The following CROT variants were observed in gnomAD, a reference collection of about 807,000 sequenced individuals.
CROT encodes carnitine O-octanoyltransferase, also known as peroxisomal carnitine O-octanoyltransferase.
Under a neutral mutation model 89.2 loss-of-function variants are expected in CROT, and 84 were observed. That is an observed-to-expected ratio of 0.94 (90% CI 0.79 to 1.13). The LOEUF (loss-of-function observed/expected upper bound fraction) is 1.13, where lower values mean the gene tolerates loss of function less well. Ranked by LOEUF, CROT falls within the 50% of genes most tolerant of loss-of-function variation. The pLI is 0.00. For synonymous variants in CROT, 212 were observed against 239.5 expected (o/e 0.89, Z 1.06); for missense variants, 711 against 727.8 (o/e 0.98, Z 0.27).
intron 17 of CROT, among the ~76,000 whole-genome samples, chr7:87,395,549 A>T (rs1243460334): frequency 6.6e-6 from 1 of 152,234 alleles, no homozygotes; most frequent in African/African-American, 2.4e-5. Context: ...GTTTATGATC[A>T]GGACTGCCTT....
At chr7:87,382,641 C>CT (rs35771140) in intron 13 of CROT, 98 bp downstream of exon 13, 5 of 1,258,686 alleles carry the variant, frequency 4.0e-6, no homozygotes, top group Middle Eastern at 1.9e-4. Context: ...TTTTTGCTCA[C>CT]TTTTTTCCCA....
rs1467332770 is a variant in CROT at position 87,375,687 on chromosome 7, G to T, written c.712G>T (p.Ala238Ser). Residue 238 changes from alanine (A) to serine (S), a missense_variant, in exon 8 of 18, where the codon GCA becomes TCA. Transcript: ENST00000331536. ...TAGTGAACCTGATGGACCTGGGATTGCAGCATTAACTAGTGAGGAGCGAAC... is the reference window on the plus strand; with the variant it reads ...TAGTGAACCTGATGGACCTGGGATTTCAGCATTAACTAGTGAGGAGCGAAC... ...CHSEPDGPGI[A>S]ALTSEERTRW... The T allele has an allele frequency of 1.2e-6, 2 of 1,613,458 alleles. No homozygotes were observed. The highest frequency in any genetic ancestry group is 1.1e-5 in the South Asian group (1 of 91,078).
chr7:87,359,241 A>G lies in CROT; in HGVS notation c.151A>G (p.Thr51Ala). ...TGCAAATCAAGAAGAATATAAGAAA[A>G]CTGAAGAAATAGTTCAAAAATTTCA... is the stretch of plus-strand genomic sequence containing the variant. ...PFANQEEYKK[T>A]EEIVQKFQSG... Residue 51 changes from threonine (T) to alanine (A), a missense_variant, in exon 4 of 18, where the codon ACT (threonine) becomes GCT (alanine). Coordinates refer to ENST00000331536, the MANE Select transcript of CROT (RefSeq NM_021151.4). 1 of 1,589,836 alleles carries G rather than the reference A, an allele frequency of 6.3e-7. No homozygotes were observed. Among genetic ancestry groups the G allele is most frequent in the Non-Finnish European group, 8.6e-7 (1 of 1,160,962 alleles).
At chr7:87,353,110 G>T (rs1805928594) in intron 3 of CROT, among the ~76,000 whole-genome samples, 1 of 152,034 alleles carries the variant, frequency 6.6e-6, no homozygotes, top group Admixed American at 6.6e-5. Context: ...ACCCTTTTAA[G>T]GAACTAGAGG....
chr7:87,390,017 C>G (rs1412946149), intron 13 of CROT, among the ~76,000 whole-genome samples: 1 of 151,970 alleles, frequency 6.6e-6, no homozygotes, highest in Non-Finnish European at 1.5e-5. Context: ...TCCTACCTTT[C>G]TCTTATTGTA....
chr7:87,394,699 G>T (rs1807468683), intron 17 of CROT, among the ~76,000 whole-genome samples: 1 of 151,990 alleles, frequency 6.6e-6, no homozygotes, highest in Non-Finnish European at 1.5e-5. Context: ...CAAAAAAAAT[G>T]CCTTTCTTGC....
chr7:87,382,466 A>G lies in CROT; in HGVS notation c.1224A>G (p.Leu408=), dbSNP rs1181007026. The change falls in exon 13 of 18, where the codon CTA becomes CTG. Residue 408 remains leucine (L), a synonymous_variant. Coordinates refer to ENST00000331536, the MANE Select transcript of CROT (RefSeq NM_021151.4). The part of the protein sequence containing the change: ...AYAFTSFGKK[L]TKNKMLHPDT... ...CCTTTACATCTTTTGGCAAAAAGCT[A>G]ACCAAGAACAAGATGCTTCACCCGG... The G allele has an allele frequency of 6.2e-7, 1 of 1,613,858 alleles. No individual in the cohort carries two copies. The highest frequency in any genetic ancestry group is 8.5e-7 in the Non-Finnish European group (1 of 1,179,908).
Position 87,375,645 on chromosome 7 carries a change from A to G in CROT, c.670A>G (p.Ile224Val). Residue 224 changes from isoleucine (I) to valine (V), a missense_variant, in exon 8 of 18, where the codon ATC (isoleucine) becomes GTC (valine). Transcript: ENST00000331536. Reference sequence around the variant, plus strand: ...ATCTTCCATAAGACAACTGACATATATCCACAAGAAGTGCCATAGTGAACC... The same window carrying G: ...ATCTTCCATAAGACAACTGACATATGTCCACAAGAAGTGCCATAGTGAACC... ...PPELLRQLTYIHKKCHSEPDG... is the reference protein window; with the variant it reads ...PPELLRQLTYVHKKCHSEPDG... 1 of 1,612,806 alleles carries G rather than the reference A, an allele frequency of 6.2e-7. No individual in the cohort carries two copies. The highest frequency in any genetic ancestry group is 8.5e-7 in the Non-Finnish European group (1 of 1,178,940).
intron 7 of CROT, among the ~76,000 whole-genome samples, chr7:87,373,973 C>G (rs1190312266): frequency 6.6e-6 from 1 of 152,002 alleles, no homozygotes; most frequent in Non-Finnish European, 1.5e-5. Context: ...TTAAATAAAG[C>G]TACTAGGTTT....
chr7:87,350,644 T>C (rs1805837613), intron 3 of CROT, among the ~76,000 whole-genome samples: 1 of 152,162 alleles, frequency 6.6e-6, no homozygotes, highest in Admixed American at 6.5e-5. Flanking sequence ...GTATAGCCAA[T>C]TGTGAGACCC....
At chr7:87,357,454 T>C (rs1244587287) in intron 3 of CROT, 3 of 1,551,016 alleles carry the variant, frequency 1.9e-6, no homozygotes, top group African/African-American at 2.7e-5. Flanking sequence ...CAATTAGTGC[T>C]GTGCAGGCTG....
chr7:87,372,004 A>C (rs1806653670), intron 7 of CROT, among the ~76,000 whole-genome samples: 1 of 106,938 alleles, frequency 9.4e-6, no homozygotes, highest in Admixed American at 1.1e-4. Context: ...AAAAAAAAAA[A>C]AACAAAAAAA....
intron 17 of CROT, among the ~76,000 whole-genome samples, chr7:87,394,727 A>T (rs969192358): frequency 3.3e-5 from 5 of 152,134 alleles, no homozygotes; most frequent in Admixed American, 1.3e-4. Context: ...AGGCATACCT[A>T]TAGACTCTAC....
rs764910780 is a variant in CROT, at chr7:87,375,810, C to A, written c.751-18C>A. 31 of 1,612,846 alleles carry A rather than the reference C, an allele frequency of 1.9e-5. 1 individual carries two copies. In the Admixed American group the frequency reaches 5.2e-4, roughly 27 times the overall value. On this transcript the variant is annotated intron_variant, in intron 8 of 17. Transcript: ENST00000331536. ...TATTTCAGTTGTAATATTTGATCAT[C>A]ATCTCCTTGCCCTTTAGGCACGAGA...
intron 10 of CROT, among the ~76,000 whole-genome samples, chr7:87,381,490 C>T (rs1375793054): frequency 1.3e-5 from 2 of 152,188 alleles, no homozygotes; most frequent in African/African-American, 4.8e-5. Context: ...TAAAGAAGTT[C>T]ATGCCCATCC....
chr7:87,396,768 A>G (rs919648006), intron 17 of CROT, among the ~76,000 whole-genome samples: 1 of 152,172 alleles, frequency 6.6e-6, no homozygotes, highest in Admixed American at 6.5e-5. Context: ...GCATAAGACT[A>G]TAATTATATG....
intron 13 of CROT, among the ~76,000 whole-genome samples, chr7:87,386,398 T>C (rs1016403525): frequency 6.6e-6 from 1 of 152,172 alleles, no homozygotes; most frequent in African/African-American, 2.4e-5. Context: ...TCAGGTTGTA[T>C]GTGTCCAGGA....
intron 17 of CROT, chr7:87,398,299 G>A: frequency 1.5e-6 from 1 of 664,964 alleles, no homozygotes; most frequent in Non-Finnish European, 2.8e-6. Flanking sequence ...TAGCTAATTT[G>A]TTCCCCTTTG....
At chr7:87,362,701 T>C (rs1806322947) in intron 6 of CROT, among the ~76,000 whole-genome samples, 1 of 151,952 alleles carries the variant, frequency 6.6e-6, no homozygotes, top group African/African-American at 2.4e-5. Context: ...TAGCTTATCT[T>C]GAAATGGAAA....
Sources: allele counts gnomAD v4.1 joint callset (sites outside exome capture counted in the v4.1 genomes callset), GRCh38; gene constraint gnomAD v4.1.1; transcripts MANE v1.5; gene names NCBI Gene and HGNC (gene_info 2026-07-23, HGNC 2026-07-21).